The following INPP4B variants were observed in gnomAD, a reference collection of about 807,000 sequenced individuals.
INPP4B encodes inositol polyphosphate 4-phosphatase type II.
Under a neutral mutation model 122.5 loss-of-function variants are expected in INPP4B, and 55 were observed. That is an observed-to-expected ratio of 0.45 (90% CI 0.36 to 0.56). The LOEUF (loss-of-function observed/expected upper bound fraction) is 0.56, where lower values mean the gene tolerates loss of function less well. INPP4B is among the 20% of genes least tolerant of loss of function. The pLI, the probability that INPP4B is intolerant of heterozygous loss-of-function variation, is 0.00. For synonymous variants in INPP4B, 403 were observed against 388.7 expected, an observed-to-expected ratio of 1.04 and a Z score of -0.43; for missense variants, 1,000 against 1,097.7, an observed-to-expected ratio of 0.91 and a Z score of 1.26.
rs564107022 is a variant in INPP4B, at chr4:142,042,974, A to ATGAT, written c.2643-14061_2643-14060insATCA. On this transcript the variant is annotated intron_variant, in intron 25 of 25. Coordinates refer to ENST00000262992, the MANE Select transcript of INPP4B (RefSeq NM_001101669.3). ...GAACTATGAACTGGCTCAACATCAA[A>ATGAT]CACCACCATTACCAGTGTTGTATAT... Among the ~76,000 whole-genome samples, 11 of 152,244 alleles carry ATGAT rather than the reference A, an allele frequency of 7.2e-5. No homozygotes were observed. In the East Asian group the frequency reaches 1.4e-3, roughly 19 times the overall value.
Position 142,239,256 on chromosome 4 carries a change from A to T in INPP4B, c.689-1245T>A, listed in dbSNP as rs28480473. Reference sequence around the variant, plus strand: ...ACCATAATGGAAATTTTGATTTCGAACATCCCATTCTTCAACCACCAGATT... The same window carrying T: ...ACCATAATGGAAATTTTGATTTCGATCATCCCATTCTTCAACCACCAGATT... On this transcript the variant is annotated intron_variant, in intron 11 of 25. Coordinates refer to ENST00000262992, the MANE Select transcript of INPP4B (RefSeq NM_001101669.3). 4.5e-3 allele frequency among the ~76,000 whole-genome samples: 680 copies of T among 152,216 alleles called. 3 individuals carry two copies. The highest frequency in any genetic ancestry group is 0.015 in the African/African-American group (642 of 41,554).
intron 5 of INPP4B, chr4:142,427,501 G>A: frequency 1.5e-6 from 1 of 658,266 alleles, no homozygotes. Flanking sequence ...TGATGATGGT[G>A]TTGTTACTGA....
At chr4:142,607,595 C>A (rs1580487055) in intron 2 of INPP4B, among the ~76,000 whole-genome samples, 1 of 152,018 alleles carries the variant, frequency 6.6e-6, no homozygotes. Flanking sequence ...AAATATAACA[C>A]TATTTTTTCC....
intron 2 of INPP4B, among the ~76,000 whole-genome samples, chr4:142,720,797 C>A (rs1204500996): frequency 0.066 from 1,939 of 29,174 alleles, 300 homozygotes; most frequent in African/African-American, 0.1. Flanking sequence ...CTCTCTCTCT[C>A]TCTCTCTCTC....
intron 2 of INPP4B, among the ~76,000 whole-genome samples, chr4:142,596,732 G>T (rs567364468): frequency 1.3e-5 from 2 of 152,284 alleles, no homozygotes; most frequent in South Asian, 4.1e-4. Context: ...GACTGTGCAG[G>T]TTTTAAAACC....
chr4:142,268,892 C>T (rs528752070), intron 10 of INPP4B, among the ~76,000 whole-genome samples: 4 of 152,056 alleles, frequency 2.6e-5, no homozygotes, highest in Non-Finnish European at 5.9e-5. Context: ...TTTCCCCCGA[C>T]GAACAGATAG....
At chr4:142,599,810 G>T (rs1468855753) in intron 2 of INPP4B, among the ~76,000 whole-genome samples, 1 of 151,820 alleles carries the variant, frequency 6.6e-6, no homozygotes, top group Non-Finnish European at 1.5e-5. Flanking sequence ...CTACGAGTGA[G>T]AAATTTACCA....
At chr4:142,039,625 A>G (rs748531900) in intron 25 of INPP4B, among the ~76,000 whole-genome samples, 32 of 152,020 alleles carry the variant, frequency 2.1e-4, no homozygotes, top group Non-Finnish European at 1.6e-4. Flanking sequence ...TGAAAGAGAG[A>G]CATAATGAGT....
intron 2 of INPP4B, among the ~76,000 whole-genome samples, chr4:142,617,421 C>T (rs933142178): frequency 6.6e-6 from 1 of 152,080 alleles, no homozygotes; most frequent in African/African-American, 2.4e-5. Context: ...GCAAAATGCT[C>T]AAGGGCAGCA....
At chr4:142,543,523 A>G (rs974472950) in intron 2 of INPP4B, among the ~76,000 whole-genome samples, 1 of 152,190 alleles carries the variant, frequency 6.6e-6, no homozygotes, top group Non-Finnish European at 1.5e-5. Flanking sequence ...CTGTGTAGCT[A>G]AAAGGTCATT....
chr4:142,839,206 C>G (rs570320878), intron 1 of INPP4B, among the ~76,000 whole-genome samples: 1 of 152,154 alleles, frequency 6.6e-6, no homozygotes, highest in Non-Finnish European at 1.5e-5. Context: ...GCCTGTAGTC[C>G]CATCACTTTT....
At chr4:142,136,064 T>C (rs577094923) in intron 18 of INPP4B, among the ~76,000 whole-genome samples, 6 of 152,328 alleles carry the variant, frequency 3.9e-5, no homozygotes, top group Middle Eastern at 3.4e-3. Context: ...CCCAAAGTGC[T>C]GGGATTACAG....
At chr4:142,810,925 C>T (rs917680019) in intron 1 of INPP4B, among the ~76,000 whole-genome samples, 1 of 152,146 alleles carries the variant, frequency 6.6e-6, no homozygotes, top group Non-Finnish European at 1.5e-5. Flanking sequence ...AGAAGTATTT[C>T]TTCTTGTTTT....
chr4:142,071,084 C>T (rs1156935108), intron 25 of INPP4B, among the ~76,000 whole-genome samples: 2 of 152,170 alleles, frequency 1.3e-5, no homozygotes, highest in Non-Finnish European at 1.5e-5. Flanking sequence ...TGACTTCAAA[C>T]TATACTACAA....
chr4:142,065,400 C>T lies in INPP4B; in HGVS notation c.2642+16631G>A, dbSNP rs573635725. The stretch of plus-strand genomic sequence containing the variant: ...GCCCACATGTACAAATACAATCACA[C>T]ATCGCCCCACCCCAGACAAACACAT... On this transcript the variant is annotated intron_variant, in intron 25 of 25. Coordinates refer to ENST00000262992, the MANE Select transcript of INPP4B (RefSeq NM_001101669.3). Among the ~76,000 whole-genome samples, 5 of 152,242 alleles carry T rather than the reference C, an allele frequency of 3.3e-5. No individual in the cohort carries two copies. The East Asian group carries it at 9.6e-4, about 29-fold the overall frequency.
intron 2 of INPP4B, among the ~76,000 whole-genome samples, chr4:142,673,587 G>A (rs978962000): frequency 6.6e-6 from 1 of 152,106 alleles, no homozygotes; most frequent in African/African-American, 2.4e-5. Flanking sequence ...ACCTTGGCCT[G>A]AGAAGGGCAT....
intron 5 of INPP4B, chr4:142,427,058 A>G (rs1180742351): frequency 6.6e-6 from 1 of 152,518 alleles, no homozygotes; most frequent in Non-Finnish European, 1.5e-5. Context: ...TCATACAATA[A>G]TAGGTGACGT....
intron 14 of INPP4B, among the ~76,000 whole-genome samples, chr4:142,194,355 A>G (rs2149372913): frequency 6.6e-6 from 1 of 152,328 alleles, no homozygotes; most frequent in Non-Finnish European, 1.5e-5. Context: ...TAGATCTGTA[A>G]GAAATTTAAA....
In INPP4B at chr4:142,601,742, C is replaced by G. The variant is rs71608491; in HGVS notation, c.-191+124097G>C. ...CCCAGCACTTTGGGAGGCTGAGGTG[C>G]GCAGATCATGAGGTCAGGAGATCAA... On this transcript the variant is annotated intron_variant, in intron 2 of 25. Coordinates refer to ENST00000262992, the MANE Select transcript of INPP4B (RefSeq NM_001101669.3). Among the ~76,000 whole-genome samples, 405 of 151,570 alleles carry G rather than the reference C, an allele frequency of 2.7e-3. 6 individuals are homozygous for G. Among genetic ancestry groups the G allele is most frequent in the East Asian group, 0.019 (95 of 5,124 alleles).
Sources: allele counts gnomAD v4.1 joint callset (sites outside exome capture counted in the v4.1 genomes callset), GRCh38; gene constraint gnomAD v4.1.1; transcripts MANE v1.5; gene names NCBI Gene and HGNC (gene_info 2026-07-23, HGNC 2026-07-21).